Variants in FAM53B observed in about 807,000 individuals in gnomAD.
The protein encoded by FAM53B is protein FAM53B.
A neutral mutation model predicts 32.7 loss-of-function variants in FAM53B; 12 were observed. That is an observed-to-expected ratio of 0.37 (90% CI 0.24 to 0.59). FAM53B has a LOEUF of 0.59. Ranked by LOEUF, FAM53B falls within the 20% of genes least tolerant of loss-of-function variation. The pLI, the probability that FAM53B is intolerant of heterozygous loss-of-function variation, is 0.72. For synonymous variants in FAM53B, 234 were observed against 228.7 expected (o/e 1.02, Z -0.21); for missense variants, 477 against 577.7 (o/e 0.83, Z 1.79).
At chr10:124,674,319 C>T (rs905472809) in intron 4 of FAM53B, among the ~76,000 whole-genome samples, 1 of 152,128 alleles carries the variant, frequency 6.6e-6, no homozygotes, top group African/African-American at 2.4e-5. Context: ...AAGTGTGACT[C>T]CCAATATGGC....
chr10:124,686,334 G>A (rs1204587834), intron 3 of FAM53B, among the ~76,000 whole-genome samples: 1 of 152,214 alleles, frequency 6.6e-6, no homozygotes, highest in Non-Finnish European at 1.5e-5. Flanking sequence ...GTGTTACAGA[G>A]TAAGCCTCTA....
chr10:124,640,523 C>A (rs1456939148), intron 4 of FAM53B, among the ~76,000 whole-genome samples: 1 of 152,228 alleles, frequency 6.6e-6, no homozygotes, highest in Non-Finnish European at 1.5e-5. Flanking sequence ...ATGAATCCCA[C>A]CAGTCCGTCA....
At chr10:124,661,757 GT>G in intron 4 of FAM53B, among the ~76,000 whole-genome samples, 1 of 152,340 alleles carries the variant, frequency 6.6e-6, no homozygotes, top group African/African-American at 2.4e-5. Context: ...GACACTGCTC[GT>G]TGTCCCCACT....
intron 2 of FAM53B, among the ~76,000 whole-genome samples, chr10:124,696,974 G>A (rs1185474674): frequency 1.3e-5 from 2 of 152,120 alleles, no homozygotes; most frequent in Non-Finnish European, 2.9e-5. Flanking sequence ...ACGAGGCCTA[G>A]AAGAACCCCA....
chr10:124,674,117 A>G (rs2134064369), intron 4 of FAM53B, among the ~76,000 whole-genome samples: 1 of 152,302 alleles, frequency 6.6e-6, no homozygotes, highest in African/African-American at 2.4e-5. Flanking sequence ...AGAGTTACAG[A>G]GCCCGGGACT....
At chr10:124,689,417 C>G (rs1315854436) in intron 3 of FAM53B, among the ~76,000 whole-genome samples, 1 of 152,176 alleles carries the variant, frequency 6.6e-6, no homozygotes, top group Non-Finnish European at 1.5e-5. Flanking sequence ...GTGTCAGGAA[C>G]AAAAAGTCCT....
At chr10:124,631,765 GGGT>G (rs1949392618) in intron 4 of FAM53B, among the ~76,000 whole-genome samples, 1 of 152,090 alleles carries the variant, frequency 6.6e-6, no homozygotes, top group South Asian at 2.1e-4. Context: ...CACCAGCCCT[GGGT>G]CAGCACCATC....
intron 2 of FAM53B, among the ~76,000 whole-genome samples, chr10:124,697,754 G>A (rs1194725500): frequency 1.3e-5 from 2 of 152,096 alleles, no homozygotes; most frequent in African/African-American, 2.4e-5. Context: ...AGGGCGGAAG[G>A]GGAACGGGGC....
At chr10:124,711,513 G>C (rs1470021488) in intron 1 of FAM53B, among the ~76,000 whole-genome samples, 3 of 152,110 alleles carry the variant, frequency 2.0e-5, no homozygotes, top group Non-Finnish European at 4.4e-5. Context: ...TCCTGTAACT[G>C]CATGAGTGTA....
intron 3 of FAM53B, among the ~76,000 whole-genome samples, chr10:124,691,450 C>T (rs1949831936): frequency 6.6e-6 from 1 of 152,160 alleles, no homozygotes; most frequent in Non-Finnish European, 1.5e-5. Flanking sequence ...TAATTTATTA[C>T]CATAACTCCT....
chr10:124,743,815 C>T (rs1950214901), intron 1 of FAM53B, among the ~76,000 whole-genome samples, 198 bp downstream of exon 1: 1 of 151,992 alleles, frequency 6.6e-6, no homozygotes, highest in Non-Finnish European at 1.5e-5. Context: ...GAGAAACCGC[C>T]CGACCCAACC....
In FAM53B at chr10:124,642,358, G is replaced by A. The variant is rs190041527; in HGVS notation, c.907-18754C>T. 2.6e-5 allele frequency among the ~76,000 whole-genome samples: 4 copies of A among 152,338 alleles called. No homozygotes were observed. The East Asian group carries it at 5.8e-4, about 22-fold the overall frequency. On this transcript the variant is annotated intron_variant, in intron 4 of 4. Coordinates refer to ENST00000337318, the MANE Select transcript of FAM53B (RefSeq NM_014661.4). ...TGACGGGTCTCACTCTCACACCAAC[G>A]CCTCTCCGGTGGTTGTGACAAAAGC...
At chr10:124,743,647 T>G (rs1458630857) in intron 1 of FAM53B, among the ~76,000 whole-genome samples, 2 of 151,546 alleles carry the variant, frequency 1.3e-5, no homozygotes, top group East Asian at 4.0e-4. Context: ...GGGCTCAAGT[T>G]GAGACGCGGA....
At chr10:124,636,517 C>T (rs1253491731) in intron 4 of FAM53B, among the ~76,000 whole-genome samples, 1 of 152,202 alleles carries the variant, frequency 6.6e-6, no homozygotes, top group Non-Finnish European at 1.5e-5. Flanking sequence ...GGTGCTTTCA[C>T]AGAACAACAG....
At chr10:124,624,921 G>A (rs1020657044) in intron 4 of FAM53B, among the ~76,000 whole-genome samples, 16 of 152,198 alleles carry the variant, frequency 1.1e-4, no homozygotes, top group African/African-American at 3.1e-4. Flanking sequence ...AGAGGGGAGC[G>A]AGGGAAGAGC....
intron 1 of FAM53B, among the ~76,000 whole-genome samples, chr10:124,735,011 C>A (rs1206774650): frequency 6.6e-6 from 1 of 152,210 alleles, no homozygotes; most frequent in Non-Finnish European, 1.5e-5. Context: ...GCAAAGGGAT[C>A]TAGAAGCAGC....
intron 4 of FAM53B, among the ~76,000 whole-genome samples, chr10:124,664,679 T>C (rs951611694): frequency 3.9e-5 from 6 of 152,230 alleles, no homozygotes; most frequent in African/African-American, 1.4e-4. Flanking sequence ...TCATGCTCAG[T>C]GGTTACCCCA....
intron 2 of FAM53B, 28 bp from the exon 3 acceptor site, chr10:124,696,240 T>C: frequency 6.2e-7 from 1 of 1,602,390 alleles, no homozygotes; most frequent in Non-Finnish European, 8.6e-7. Context: ...AGCTATTCAC[T>C]CTTCAAATCA....
At chr10:124,628,649 ACT>A (rs1271773385) in intron 4 of FAM53B, among the ~76,000 whole-genome samples, 9 of 151,964 alleles carry the variant, frequency 5.9e-5, no homozygotes, top group Non-Finnish European at 1.2e-4. Context: ...AGCAGTGCCC[ACT>A]CTCCACTGCT....
Sources: allele counts gnomAD v4.1 joint callset (sites outside exome capture counted in the v4.1 genomes callset), GRCh38; gene constraint gnomAD v4.1.1; transcripts MANE v1.5; gene names NCBI Gene and HGNC (gene_info 2026-07-23, HGNC 2026-07-21).